Variants in CHL1 observed in about 807,000 individuals in gnomAD.
CHL1 encodes neural cell adhesion molecule L1-like protein.
A neutral mutation model predicts 141.9 loss-of-function variants in CHL1; 96 were observed. The ratio of observed to expected loss-of-function variants is 0.68; its 90% confidence interval spans 0.57 to 0.80. The LOEUF is 0.80. Ranked by LOEUF, CHL1 falls within the 30% of genes least tolerant of loss-of-function variation. The pLI, the probability that CHL1 is intolerant of heterozygous loss-of-function variation, is 0.00. For missense variants in CHL1, 1,820 were observed against 1,457.2 expected, an observed-to-expected ratio of 1.25 and a Z score of -4.05; for synonymous variants, 613 against 502.2, an observed-to-expected ratio of 1.22 and a Z score of -2.95.
In CHL1 at chr3:319,852, G is replaced by C; in HGVS notation, c.76G>C (p.Glu26Gln). 1 of 1,567,712 alleles carries C rather than the reference G, an allele frequency of 6.4e-7. No homozygotes were observed. The highest frequency in any genetic ancestry group is 8.7e-7 in the Non-Finnish European group (1 of 1,144,486). Residue 26 changes from glutamate to glutamine, a missense_variant, in exon 3 of 28, where the codon GAA becomes CAA. By Grantham distance (29) the Glu-to-Gln change is conservative. Coordinates refer to ENST00000256509, the MANE Select transcript of CHL1 (RefSeq NM_006614.4). ...FLLLKFSKAI[E>Q]IPSSVQQVPT... ...CCTGTTAAAATTCTCAAAAGCAATT[G>C]AAATACCATCTTCAGGTAAAGTTAA...
Position 405,601 on chromosome 3 carries a change from G to A in CHL1, c.3565G>A (p.Gly1189Ser), listed in dbSNP as rs146514296. 2 of 1,613,224 alleles carry A rather than the reference G, an allele frequency of 1.2e-6. No individual in the cohort carries two copies. The highest frequency in any genetic ancestry group is 1.7e-6 in the Non-Finnish European group (2 of 1,179,412). Residue 1189 changes from glycine to serine, a missense_variant, in exon 28 of 28, where the codon GGT (glycine) becomes AGT (serine). Gly to Ser is a moderately conservative substitution (Grantham distance 56). Coordinates refer to ENST00000256509, the MANE Select transcript of CHL1 (RefSeq NM_006614.4). ...AGTCGAATACGGAGAGGGAGACCAT[G>A]GTCTCTTCAGTGAAGATGGATCATT... ...SLVEYGEGDHGLFSEDGSFIG... is the reference protein window; with the variant it reads ...SLVEYGEGDHSLFSEDGSFIG...
intron 2 of CHL1, among the ~76,000 whole-genome samples, chr3:297,241 A>G (rs185471809): frequency 6.6e-6 from 1 of 152,274 alleles, no homozygotes; most frequent in East Asian, 1.9e-4. Context: ...AATAAATAAA[A>G]TAAAATAAAT....
In CHL1 at chr3:391,801, A is replaced by C; in HGVS notation, c.2914+4A>C. The C allele has an allele frequency of 6.3e-7, 1 of 1,578,110 alleles. No homozygotes were observed. The highest frequency in any genetic ancestry group is 8.6e-7 in the Non-Finnish European group (1 of 1,163,176). On this transcript the variant is annotated splice_donor_region_variant and intron_variant, in intron 23 of 27. Coordinates refer to ENST00000256509, the MANE Select transcript of CHL1 (RefSeq NM_006614.4). ...TATCTTTTGCAATATCAGATAAGTAAGTAGAAATTTGAATTGGAGTTAACT... is the reference window on the plus strand; with the variant it reads ...TATCTTTTGCAATATCAGATAAGTACGTAGAAATTTGAATTGGAGTTAACT...
chr3:325,805 G>A (rs1161010044), intron 3 of CHL1, among the ~76,000 whole-genome samples, 154 bp from the exon 4 acceptor site: 1 of 152,010 alleles, frequency 6.6e-6, no homozygotes, highest in South Asian at 2.1e-4. Context: ...GTAAGTACAT[G>A]TTGCAAAGAG....
rs1455268175 is a variant in CHL1, at chr3:406,590, T to C, written c.*879T>C. ...TTATATAATGGTATGCTTGCATATA[T>C]TTCATGAATACATTGTACATATTAT... On this transcript the variant is annotated 3_prime_UTR_variant, in exon 28 of 28. Coordinates refer to ENST00000256509, the MANE Select transcript of CHL1 (RefSeq NM_006614.4). 1 of 152,134 alleles carries C rather than the reference T, an allele frequency of 6.6e-6. No homozygotes were observed. Among genetic ancestry groups the C allele is most frequent in the Non-Finnish European group, 1.5e-5 (1 of 68,018 alleles). 9.4% of individuals were successfully genotyped at this position (152,134 alleles called of 1,614,324 possible).
Position 363,481 on chromosome 3 carries a change from A to G in CHL1, c.1585+98A>G, listed in dbSNP as rs1451861371. ...ATAATACCATTTAAGTTGGAGTACC[A>G]GATAAAGTTCTTTGAACCGTTTTTC... is the stretch of plus-strand genomic sequence containing the variant. On this transcript the variant is annotated intron_variant, in intron 14 of 27. Coordinates refer to ENST00000256509, the MANE Select transcript of CHL1 (RefSeq NM_006614.4). The G allele has an allele frequency of 3.9e-5, 44 of 1,133,086 alleles. No homozygotes were observed. In the Admixed American group the frequency reaches 1.1e-3, roughly 27 times the overall value. 70.2% of individuals were successfully genotyped at this position (1,133,086 alleles called of 1,614,324 possible).
intron 3 of CHL1, among the ~76,000 whole-genome samples, chr3:320,803 TG>T (rs1700503945): frequency 1.3e-5 from 2 of 152,138 alleles, no homozygotes; most frequent in Non-Finnish European, 2.9e-5. Flanking sequence ...TACATGCATA[TG>T]GGTTCTAAAA....
chr3:225,522 T>G (rs1701236626), intron 1 of CHL1, among the ~76,000 whole-genome samples: 1 of 152,234 alleles, frequency 6.6e-6, no homozygotes, highest in East Asian at 1.9e-4. Flanking sequence ...TAAGAATTAA[T>G]TGTTAAAACA....
chr3:212,628 C>T (rs1699992191), intron 1 of CHL1, among the ~76,000 whole-genome samples: 2 of 152,196 alleles, frequency 1.3e-5, no homozygotes, highest in Admixed American at 1.3e-4. Context: ...TCCCCTGGCT[C>T]CCTACTGCTT....
intron 2 of CHL1, among the ~76,000 whole-genome samples, chr3:277,505 C>T (rs1214935279): frequency 6.6e-6 from 1 of 152,146 alleles, no homozygotes; most frequent in East Asian, 1.9e-4. Context: ...TTTCTCTTCT[C>T]TACCACATTC....
chr3:222,590 A>T (rs542996429), intron 1 of CHL1, among the ~76,000 whole-genome samples: 3 of 152,154 alleles, frequency 2.0e-5, no homozygotes, highest in Non-Finnish European at 2.9e-5. Context: ...CCTTGGGAAA[A>T]CGAATAGATG....
chr3:270,075 G>A (rs1301944111), intron 2 of CHL1, among the ~76,000 whole-genome samples: 8 of 152,222 alleles, frequency 5.3e-5, no homozygotes, highest in South Asian at 2.1e-4. Context: ...AAGAGACAAC[G>A]CTCTTTTATT....
chr3:230,874 C>G (rs1701795936), intron 1 of CHL1, among the ~76,000 whole-genome samples: 1 of 151,982 alleles, frequency 6.6e-6, no homozygotes, highest in Admixed American at 6.6e-5. Flanking sequence ...TTTGAATGGC[C>G]CAGATCAGAG....
chr3:351,083 T>G (rs1042741944), intron 10 of CHL1, among the ~76,000 whole-genome samples: 5 of 152,192 alleles, frequency 3.3e-5, no homozygotes, highest in Non-Finnish European at 5.9e-5. Context: ...CACTTCCAGA[T>G]GGCTGGAACA....
At chr3:290,160 A>C (rs760823118) in intron 2 of CHL1, among the ~76,000 whole-genome samples, 6 of 152,142 alleles carry the variant, frequency 3.9e-5, no homozygotes, top group Non-Finnish European at 8.8e-5. Flanking sequence ...AAACAGCAGA[A>C]TCATAAACAA....
chr3:286,869 G>C (rs1412647232), intron 2 of CHL1, among the ~76,000 whole-genome samples: 1 of 152,140 alleles, frequency 6.6e-6, no homozygotes, highest in African/African-American at 2.4e-5. Context: ...TCATGGCACT[G>C]GTGGGAGTGT....
intron 10 of CHL1, among the ~76,000 whole-genome samples, chr3:353,880 AC>A (rs1427789178): frequency 6.6e-6 from 1 of 152,210 alleles, no homozygotes; most frequent in Admixed American, 6.6e-5. Context: ...CCTTTTAGTT[AC>A]CCCTGACATA....
chr3:328,778 A>G (rs1033347558), intron 5 of CHL1, among the ~76,000 whole-genome samples: 2 of 152,126 alleles, frequency 1.3e-5, no homozygotes, highest in Non-Finnish European at 2.9e-5. Context: ...TAATGGAGAC[A>G]TCGTCATTCT....
At chr3:224,396 C>T (rs913848355) in intron 1 of CHL1, among the ~76,000 whole-genome samples, 1 of 152,084 alleles carries the variant, frequency 6.6e-6, no homozygotes, top group Non-Finnish European at 1.5e-5. Flanking sequence ...ATGTAATCCC[C>T]AGTGTTCGAG....
Sources: gnomAD v4.1 joint callset for allele counts (sites outside exome capture counted in the v4.1 genomes callset) on GRCh38, gnomAD v4.1.1 for gene constraint, MANE v1.5 for transcripts, NCBI Gene and HGNC (gene_info 2026-07-23, HGNC 2026-07-21) for gene names.